Variants in TBC1D5 observed in about 807,000 individuals in gnomAD.
The protein encoded by TBC1D5 is TBC1 domain family member 5, also known as TBC1 domain family, member 5.
In TBC1D5, 75 loss-of-function variants were observed where a neutral mutation model predicts 100.3. That is an observed-to-expected ratio of 0.75 (90% CI 0.62 to 0.91). TBC1D5 has a LOEUF of 0.91. Ranked by LOEUF, TBC1D5 falls within the 40% of genes least tolerant of loss-of-function variation. The pLI, the probability that TBC1D5 is intolerant of heterozygous loss-of-function variation, is 0.00. For missense variants in TBC1D5, 910 were observed against 942.4 expected (o/e 0.97, Z 0.45); for synonymous variants, 323 against 325.6 (o/e 0.99, Z 0.09).
At chr3:17,713,580 C>T (rs2074961658) in intron 1 of TBC1D5, among the ~76,000 whole-genome samples, 1 of 152,048 alleles carries the variant, frequency 6.6e-6, no homozygotes, top group South Asian at 2.1e-4. Flanking sequence ...CAACAATTCA[C>T]TTTAGTCATG....
At chr3:17,183,225 A>G (rs1024150179) in intron 19 of TBC1D5, among the ~76,000 whole-genome samples, 2 of 152,186 alleles carry the variant, frequency 1.3e-5, no homozygotes, top group African/African-American at 4.8e-5. Context: ...ACAGACCTTT[A>G]ACTGCTCGTT....
chr3:17,391,515 A>G (rs2093350527), intron 8 of TBC1D5, among the ~76,000 whole-genome samples: 1 of 152,054 alleles, frequency 6.6e-6, no homozygotes, highest in Non-Finnish European at 1.5e-5. Context: ...TTAATTACGT[A>G]GCAAAATATA....
At chr3:17,706,284 A>C in intron 1 of TBC1D5, 1 of 1,539,906 alleles carries the variant, frequency 6.5e-7, no homozygotes, top group Non-Finnish European at 8.8e-7. Flanking sequence ...AAAGAGTTGA[A>C]CTAGAGGGTC....
intron 1 of TBC1D5, among the ~76,000 whole-genome samples, chr3:17,636,988 G>C (rs2064002680): frequency 6.6e-6 from 1 of 151,356 alleles, no homozygotes; most frequent in Non-Finnish European, 1.5e-5. Flanking sequence ...ATGCCAAATG[G>C]ATAAAAAATT....
chr3:17,369,685 T>C lies in TBC1D5; in HGVS notation c.995+2390A>G, dbSNP rs1393410261. Among the ~76,000 whole-genome samples, 4 of 152,098 alleles carry C rather than the reference T, an allele frequency of 2.6e-5. No homozygotes were observed. In the East Asian group the frequency reaches 7.7e-4, roughly 29 times the overall value. ...TTTGACCCAAAGTTTCTAATAGTCATTAATAGAAAATACATAGATGGGTAG... is the reference window on the plus strand; with the variant it reads ...TTTGACCCAAAGTTTCTAATAGTCACTAATAGAAAATACATAGATGGGTAG... On this transcript the variant is annotated intron_variant, in intron 13 of 21. Coordinates refer to ENST00000253692, the Ensembl canonical transcript of TBC1D5.
chr3:17,486,791 G>A (rs2150435888), intron 3 of TBC1D5, among the ~76,000 whole-genome samples: 1 of 152,270 alleles, frequency 6.6e-6, no homozygotes, highest in South Asian at 2.1e-4. Flanking sequence ...TATTCCTAGT[G>A]CCAGAGGGAG....
intron 1 of TBC1D5, among the ~76,000 whole-genome samples, chr3:17,675,145 G>A (rs1013006752): frequency 2.1e-4 from 32 of 151,916 alleles, no homozygotes; most frequent in African/African-American, 7.0e-4. Flanking sequence ...CTTTAAGAAC[G>A]TTTCTAACAA....
At chr3:17,347,258 T>C (rs1267489040) in intron 13 of TBC1D5, among the ~76,000 whole-genome samples, 5 of 152,154 alleles carry the variant, frequency 3.3e-5, no homozygotes, top group African/African-American at 2.4e-5. Context: ...GTCTAACTCA[T>C]AGTGATGCTA....
At chr3:17,251,462 G>A (rs1049336653) in intron 16 of TBC1D5, among the ~76,000 whole-genome samples, 2 of 146,634 alleles carry the variant, frequency 1.4e-5, no homozygotes, top group Non-Finnish European at 3.0e-5. Flanking sequence ...AGAAGTGGAG[G>A]TTAGACAAGA....
At chr3:17,283,212 C>T (rs1347743377) in intron 15 of TBC1D5, among the ~76,000 whole-genome samples, 2 of 152,196 alleles carry the variant, frequency 1.3e-5, no homozygotes, top group Non-Finnish European at 2.9e-5. Context: ...AAAATAGACC[C>T]CAAAGGGTCC....
At chr3:17,545,282 G>A (rs2153432866) in intron 2 of TBC1D5, among the ~76,000 whole-genome samples, 1 of 152,196 alleles carries the variant, frequency 6.6e-6, no homozygotes, top group East Asian at 1.9e-4. Context: ...GGGAGATTTG[G>A]ACTTGCACAG....
intron 2 of TBC1D5, among the ~76,000 whole-genome samples, chr3:17,589,136 G>C (rs2096750787): frequency 6.6e-6 from 1 of 152,198 alleles, no homozygotes; most frequent in Admixed American, 6.5e-5. Flanking sequence ...ATGAAGTTCT[G>C]AGAAGATTTT....
At chr3:17,497,372 A>C (rs1356884192) in intron 3 of TBC1D5, among the ~76,000 whole-genome samples, 2 of 152,254 alleles carry the variant, frequency 1.3e-5, no homozygotes, top group Non-Finnish European at 2.9e-5. Context: ...CATAAGAGAA[A>C]GCAAGTGGTC....
At chr3:17,445,030 C>A (rs1281175278) in intron 3 of TBC1D5, among the ~76,000 whole-genome samples, 1 of 152,044 alleles carries the variant, frequency 6.6e-6, no homozygotes, top group Non-Finnish European at 1.5e-5. Context: ...ATTTTGTAAC[C>A]CTTGACTTAG....
intron 13 of TBC1D5, among the ~76,000 whole-genome samples, chr3:17,363,830 C>T (rs1408617468): frequency 1.3e-5 from 2 of 151,564 alleles, no homozygotes; most frequent in Non-Finnish European, 2.9e-5. Context: ...TGATTTCTTA[C>T]CAAATTTAGG....
At chr3:17,639,867 T>C (rs1031456944) in intron 1 of TBC1D5, among the ~76,000 whole-genome samples, 5 of 152,184 alleles carry the variant, frequency 3.3e-5, no homozygotes, top group African/African-American at 4.8e-5. Flanking sequence ...CTGAAACTTC[T>C]GGCTCCCTAA....
chr3:17,217,962 A>G (rs1226582964), intron 17 of TBC1D5, among the ~76,000 whole-genome samples: 1 of 151,992 alleles, frequency 6.6e-6, no homozygotes, highest in African/African-American at 2.4e-5. Context: ...GATTTACTCA[A>G]GTTTTCTTCT....
At chr3:17,397,848 T>C (rs750882137) in intron 8 of TBC1D5, among the ~76,000 whole-genome samples, 1 of 152,198 alleles carries the variant, frequency 6.6e-6, no homozygotes, top group Non-Finnish European at 1.5e-5. Context: ...CTTTTAAATA[T>C]GGTCAAAGTT....
intron 13 of TBC1D5, among the ~76,000 whole-genome samples, chr3:17,310,330 C>T (rs1359132486): frequency 6.6e-6 from 1 of 152,074 alleles, no homozygotes; most frequent in Admixed American, 6.6e-5. Context: ...ATCTCCAAAA[C>T]TACACACAAT....
Sources: allele counts gnomAD v4.1 joint callset (sites outside exome capture counted in the v4.1 genomes callset), GRCh38; gene constraint gnomAD v4.1.1; transcripts MANE v1.5; gene names NCBI Gene and HGNC (gene_info 2026-07-23, HGNC 2026-07-21).